The following PKN2 variants were observed in gnomAD, a reference collection of about 807,000 sequenced individuals.
PKN2 encodes the protein protein kinase N2.
PKN2 carries 38 observed loss-of-function variants against 119.1 expected under a neutral mutation model. That is an observed-to-expected ratio of 0.32 (90% confidence interval 0.25 to 0.42). PKN2 has a LOEUF of 0.42. Ranked by LOEUF, PKN2 falls within the 10% of genes least tolerant of loss-of-function variation. PKN2 has a pLI of 1.00. For missense variants in PKN2, 850 were observed against 1,165.1 expected, an observed-to-expected ratio of 0.73 and a Z score of 3.94; for synonymous variants, 390 against 384.9, an observed-to-expected ratio of 1.01 and a Z score of -0.15.
intron 17 of PKN2, among the ~76,000 whole-genome samples, chr1:88,822,718 A>G (rs1179592308): frequency 6.6e-6 from 1 of 151,454 alleles, no homozygotes; most frequent in East Asian, 1.9e-4. Flanking sequence ...ACATGGAATT[A>G]CAGGTGCCCG....
At chr1:88,758,582 C>T (rs1487425393) in intron 2 of PKN2, among the ~76,000 whole-genome samples, 1 of 152,100 alleles carries the variant, frequency 6.6e-6, no homozygotes, top group East Asian at 1.9e-4. Context: ...CTCTATGTGT[C>T]CATGTGTTCC....
Position 88,804,496 on chromosome 1 carries a change from T to C in PKN2, c.1387T>C (p.Cys463Arg). 6.2e-7 allele frequency: 1 copy of C among 1,613,752 alleles called. No homozygotes were observed. The highest frequency in any genetic ancestry group is 8.5e-7 in the Non-Finnish European group (1 of 1,179,722). The change falls in exon 9 of 22, where the codon TGT (cysteine) becomes CGT (arginine). Residue 463 changes from cysteine to arginine, a missense_variant. Coordinates refer to ENST00000370521, the MANE Select transcript of PKN2 (RefSeq NM_006256.4). The part of the protein sequence containing the change: ...DFLDNQRHGM[C>R]LYLEPQGTLF... ...TTTAGACAACCAACGGCATGGCATG[T>C]GTCTCTATTTGGAACCACAGGGTAC...
chr1:88,820,180 CTATATATATATATATATATATATATA>C (rs397980752), intron 16 of PKN2, among the ~76,000 whole-genome samples: 104 of 70,730 alleles, frequency 1.5e-3, no homozygotes, highest in Middle Eastern at 0.019. Context: ...TTTCAGAAAC[CTATATATATATATATATATATATATA>C]TATATATATA....
intron 1 of PKN2, among the ~76,000 whole-genome samples, chr1:88,697,893 A>C (rs1349854229): frequency 2.6e-5 from 4 of 152,164 alleles, no homozygotes; most frequent in Non-Finnish European, 4.4e-5. Flanking sequence ...CTCAAAACTT[A>C]AGAATATTTT....
intron 1 of PKN2, among the ~76,000 whole-genome samples, chr1:88,699,426 A>G (rs949988449): frequency 1.3e-5 from 2 of 152,114 alleles, no homozygotes; most frequent in East Asian, 1.9e-4. Context: ...AAAATTTCCA[A>G]CTTTCAAGTT....
chr1:88,810,573 A>G (rs1671740870), intron 15 of PKN2, among the ~76,000 whole-genome samples: 2 of 151,992 alleles, frequency 1.3e-5, no homozygotes, highest in Admixed American at 1.3e-4. Flanking sequence ...GTTTGGTGTT[A>G]TTGTTTATTT....
At chr1:88,742,779 T>G (rs17130589) in intron 2 of PKN2, among the ~76,000 whole-genome samples, 6,136 of 152,212 alleles carry the variant, frequency 0.04, 278 homozygotes, top group African/African-American at 0.1. Flanking sequence ...GAGCTGTTTA[T>G]TTAGAGAAAT....
Position 88,786,198 on chromosome 1 carries a change from A to G in PKN2, c.1266A>G (p.Thr422=). 3 of 1,572,114 alleles carry G rather than the reference A, an allele frequency of 1.9e-6. No individual in the cohort carries two copies. The highest frequency in any genetic ancestry group is 2.2e-5 in the East Asian group (1 of 44,660). ...ATCAGTCATGGGACCAGAAGTTTACACTGGAACTGGACAGGGTAAGAGGAC... is the reference window on the plus strand; with the variant it reads ...ATCAGTCATGGGACCAGAAGTTTACGCTGGAACTGGACAGGGTAAGAGGAC... ...ISNQSWDQKF[T]LELDRSRELE... Residue 422 remains threonine, a synonymous_variant, in exon 8 of 22, where the codon ACA becomes ACG. Transcript: ENST00000370521.
intron 1 of PKN2, among the ~76,000 whole-genome samples, chr1:88,723,227 C>T (rs1667760456): frequency 6.6e-6 from 1 of 151,588 alleles, no homozygotes; most frequent in Admixed American, 6.6e-5. Flanking sequence ...GATTCTCCTG[C>T]CTCAGCCTCA....
At chr1:88,751,696 A>ATAAT (rs1044678030) in intron 2 of PKN2, among the ~76,000 whole-genome samples, 1 of 152,142 alleles carries the variant, frequency 6.6e-6, no homozygotes, top group East Asian at 1.9e-4. Context: ...TTGTTGGTTT[A>ATAAT]TAATTACCCA....
chr1:88,684,557 G>C lies in PKN2; in HGVS notation c.-24G>C, dbSNP rs1160931349. 6.5e-7 allele frequency: 1 copy of C among 1,541,484 alleles called. No homozygotes were observed. The highest frequency in any genetic ancestry group is 1.2e-5 in the South Asian group (1 of 84,078). On this transcript the variant is annotated 5_prime_UTR_variant, in exon 1 of 22. Coordinates refer to ENST00000370521, the MANE Select transcript of PKN2 (RefSeq NM_006256.4). The stretch of plus-strand genomic sequence containing the variant: ...CTTCGCCAGAGGCGGCCGCGTCCAG[G>C]TGCGGAGTCCATACCGGAGCGCAAT...
rs533605285 is a variant in PKN2, at chr1:88,717,243, C to G, written c.49-23745C>G. Among the ~76,000 whole-genome samples the G allele has an allele frequency of 1.8e-4, 28 of 152,274 alleles. No individual in the cohort carries two copies. In the South Asian group the frequency reaches 5.4e-3, roughly 29 times the overall value. On this transcript the variant is annotated intron_variant, in intron 1 of 21. Coordinates refer to ENST00000370521, the MANE Select transcript of PKN2 (RefSeq NM_006256.4). ...GCCCTTAACATTTTTTCCTTCATTT[C>G]AACCTTGGTGAATCTGACAATTATG...
chr1:88,692,146 T>C (rs1257542987), intron 1 of PKN2, among the ~76,000 whole-genome samples: 4 of 151,482 alleles, frequency 2.6e-5, no homozygotes, highest in Non-Finnish European at 5.9e-5. Flanking sequence ...ATAAATAAGA[T>C]TTATCCACAT....
At chr1:88,764,799 G>T (rs886224220) in intron 3 of PKN2, among the ~76,000 whole-genome samples, 6 of 152,140 alleles carry the variant, frequency 3.9e-5, no homozygotes, top group African/African-American at 1.4e-4. Context: ...TTATTTGGTA[G>T]TGTGGCTTTA....
At chr1:88,690,019 A>G (rs1666265706) in intron 1 of PKN2, among the ~76,000 whole-genome samples, 1 of 152,246 alleles carries the variant, frequency 6.6e-6, no homozygotes, top group Non-Finnish European at 1.5e-5. Flanking sequence ...CTTGACTACC[A>G]AGATAAAAGT....
At chr1:88,781,103 A>C in intron 6 of PKN2, 1 of 1,237,022 alleles carries the variant, frequency 8.1e-7, no homozygotes, top group Non-Finnish European at 1.0e-6. Context: ...CTAGGGAGAG[A>C]AATACTACTG....
Position 88,807,573 on chromosome 1 carries a change from G to A in PKN2, c.1979G>A (p.Cys660Tyr). 6.2e-7 allele frequency: 1 copy of A among 1,612,648 alleles called. No homozygotes were observed. The highest frequency in any genetic ancestry group is 8.5e-7 in the Non-Finnish European group (1 of 1,179,054). The change falls in exon 14 of 22, where the codon TGT becomes TAT. Residue 660 changes from cysteine (C) to tyrosine (Y), a missense_variant. Cys to Tyr is a radical substitution (Grantham distance 194). Coordinates refer to ENST00000370521, the MANE Select transcript of PKN2 (RefSeq NM_006256.4). ...FQFNLQDFRC[C>Y]AVLGRGHFGK... ...TTTAATCTACAAGATTTCAGGTGTT[G>A]TGCTGTCTTGGGAAGAGGACATTTT...
intron 16 of PKN2, among the ~76,000 whole-genome samples, chr1:88,820,224 AT>A (rs1557634970): frequency 7.3e-5 from 8 of 109,600 alleles, no homozygotes; most frequent in Admixed American, 2.9e-4. Flanking sequence ...ATATATATAT[AT>A]ATATATATAA....
intron 2 of PKN2, among the ~76,000 whole-genome samples, chr1:88,755,456 C>T (rs1221435923): frequency 4.6e-5 from 7 of 152,130 alleles, no homozygotes; most frequent in African/African-American, 1.7e-4. Flanking sequence ...CATAGGTGTA[C>T]ACTTTTGTGA....
Sources: gnomAD v4.1 joint callset for allele counts (sites outside exome capture counted in the v4.1 genomes callset) on GRCh38, gnomAD v4.1.1 for gene constraint, MANE v1.5 for transcripts, NCBI Gene and HGNC (gene_info 2026-07-23, HGNC 2026-07-21) for gene names.